The following EPHA10 variants were observed in gnomAD, a reference collection of about 807,000 sequenced individuals.
EPHA10 encodes the protein EPH receptor A10.
Under a neutral mutation model 109.7 loss-of-function variants are expected in EPHA10, and 120 were observed. The ratio of observed to expected loss-of-function variants is 1.09; its 90% CI spans 0.94 to 1.27. The LOEUF (loss-of-function observed/expected upper bound fraction) is 1.27, where lower values mean the gene tolerates loss of function less well. Ranked by LOEUF, EPHA10 falls within the 50% of genes most tolerant of loss-of-function variation. The pLI, the probability that EPHA10 is intolerant of heterozygous loss-of-function variation, is 0.00. For missense variants in EPHA10, 1,396 were observed against 1,411.1 expected (o/e 0.99, Z 0.17); for synonymous variants, 640 against 618.9 (o/e 1.03, Z -0.51).
chr1:37,727,270 G>A, intron 7 of EPHA10, 60 bp from the exon 8 acceptor site: 1 of 1,392,138 alleles, frequency 7.2e-7, no homozygotes, highest in Non-Finnish European at 9.8e-7. Context: ...GCAAGCCCCA[G>A]GGCAGACTCC....
At chr1:37,758,818 C>T (rs1422552862) in intron 3 of EPHA10, among the ~76,000 whole-genome samples, 2 of 152,216 alleles carry the variant, frequency 1.3e-5, no homozygotes, top group Non-Finnish European at 2.9e-5. Flanking sequence ...TTCTAGCTAC[C>T]TCCACTGGAA....
chr1:37,718,478 AC>A lies in EPHA10; in HGVS notation c.2920del (p.Val974Ter), dbSNP rs770563959. On this transcript the variant is annotated frameshift_variant, in exon 17 of 17. Transcript: ENST00000373048. LOFTEE classifies it high-confidence loss of function. Reference sequence around the variant, plus strand: ...TTCAGCCAAAGAGATGCCTAGGCTCACCAGGTCCCTGAAACAAAGGCTGGTC... The same window carrying A: ...TTCAGCCAAAGAGATGCCTAGGCTCACAGGTCCCTGAAACAAAGGCTGGTC... ...AVAEMTAQDLVSLGISLAEHR... is the reference protein window; with the variant it reads ...AVAEMTAQDLXSLGISLAEHR... 93 of 1,613,226 alleles carry A rather than the reference AC, an allele frequency of 5.8e-5. No homozygotes were observed. The highest frequency in any genetic ancestry group is 7.1e-5 in the Non-Finnish European group (84 of 1,179,954).
intron 4 of EPHA10, 144 bp from the exon 5 acceptor site, chr1:37,753,370 A>G (rs1308729371): frequency 2.1e-6 from 1 of 466,420 alleles, no homozygotes; most frequent in Non-Finnish European, 3.4e-6. Context: ...GGGAGGAGGG[A>G]ACCAGGGCGT....
chr1:37,720,796 T>A lies in EPHA10; in HGVS notation c.2195A>T (p.Asp732Val). 6.2e-7 allele frequency: 1 copy of A among 1,614,024 alleles called. No individual in the cohort carries two copies. The highest frequency in any genetic ancestry group is 1.1e-5 in the South Asian group (1 of 91,070). Residue 732 changes from aspartate to valine, a missense_variant, in exon 12 of 17, where the codon GAC becomes GTC. Asp to Val is a radical substitution (Grantham distance 152). Coordinates refer to ENST00000373048, the MANE Select transcript of EPHA10 (RefSeq NM_001099439.2). ...AGGGCCACTCACCCTGAGGAAGCCG[T>A]CCAGGGCCCCATGGCTCATGTACTC... ...VTEYMSHGAL[D>V]GFLRRHEGQL...
intron 3 of EPHA10, chr1:37,756,553 C>T (rs571493673): frequency 6.6e-6 from 1 of 152,492 alleles, no homozygotes; most frequent in African/African-American, 2.4e-5. Context: ...GATAATCTAG[C>T]TCAGCTCCCA....
chr1:37,762,852 A>G lies in EPHA10; in HGVS notation c.107-3T>C. The G allele has an allele frequency of 6.4e-7, 1 of 1,551,558 alleles. No individual in the cohort carries two copies. ...GGCTTTGGAATCCAGGAGGATAACT[A>G]AGGAGAGGGGAAGACAGAAATATCA... On this transcript the variant is annotated splice_region_variant and splice_polypyrimidine_tract_variant and intron_variant, in intron 1 of 16. Transcript: ENST00000373048.
In EPHA10 at chr1:37,718,722, T is replaced by C. The variant is rs1053947920; in HGVS notation, c.2851A>G (p.Lys951Glu). The change falls in exon 16 of 17, where the codon AAG (lysine) becomes GAG (glutamate). Residue 951 changes from lysine (K) to glutamate (E), a missense_variant. Coordinates refer to ENST00000373048, the MANE Select transcript of EPHA10 (RefSeq NM_001099439.2). ...WLEALDLCRY[K>E]DSFAAAGYGS... The stretch of plus-strand genomic sequence containing the variant: ...TAGCCAGCAGCCGCGAAGCTGTCCT[T>C]GTAGCGGCACAGGTCCAGGGCCTCC... 3.7e-6 allele frequency: 6 copies of C among 1,613,246 alleles called. No homozygotes were observed. Among genetic ancestry groups the C allele is most frequent in the Non-Finnish European group, 5.1e-6 (6 of 1,180,002 alleles).
At chr1:37,744,730 C>T (rs866901417) in intron 5 of EPHA10, among the ~76,000 whole-genome samples, 6 of 150,196 alleles carry the variant, frequency 4.0e-5, no homozygotes, top group Non-Finnish European at 5.9e-5. Flanking sequence ...AAAGCCAAAC[C>T]ACAGAGTGGG....
At chr1:37,736,341 G>GT (rs1646070071) in intron 5 of EPHA10, among the ~76,000 whole-genome samples, 1 of 152,148 alleles carries the variant, frequency 6.6e-6, no homozygotes, top group South Asian at 2.1e-4. Context: ...GCCAGGCATG[G>GT]TGGTACATGC....
chr1:37,742,952 T>C (rs530635473), intron 5 of EPHA10, among the ~76,000 whole-genome samples: 1 of 152,142 alleles, frequency 6.6e-6, no homozygotes, highest in South Asian at 2.1e-4. Flanking sequence ...CCTATGATCA[T>C]GCCACTGCAC....
chr1:37,743,189 A>C (rs567755548), intron 5 of EPHA10, among the ~76,000 whole-genome samples: 1 of 152,264 alleles, frequency 6.6e-6, no homozygotes, highest in Non-Finnish European at 1.5e-5. Context: ...GTATATGAAA[A>C]AATATTTCAG....
At chr1:37,728,716 G>A (rs1040434984) in intron 7 of EPHA10, among the ~76,000 whole-genome samples, 11 of 152,078 alleles carry the variant, frequency 7.2e-5, no homozygotes, top group South Asian at 2.1e-4. Context: ...GCAGTCTTTC[G>A]GATGTCACAG....
rs1321189608 is a variant in EPHA10 at position 37,764,236 on chromosome 1, G to T, written c.106+725C>A. ...GCGCAACTGACAGCACATCGGAATC[G>T]CGAACTGGAAGGCATCAGCCATCCA... is the stretch of plus-strand genomic sequence containing the variant. On this transcript the variant is annotated intron_variant, in intron 1 of 16. Coordinates refer to ENST00000373048, the MANE Select transcript of EPHA10 (RefSeq NM_001099439.2). This position sits in a 1 kb window ranked among gnomAD's most constrained non-coding sequence, Gnocchi z 5.8. Among the ~76,000 whole-genome samples, 1 of 151,822 alleles carries T rather than the reference G, an allele frequency of 6.6e-6. No homozygotes were observed. Among genetic ancestry groups the T allele is most frequent in the African/African-American group, 2.4e-5 (1 of 41,334 alleles).
chr1:37,726,441 C>G (rs1645892598), intron 8 of EPHA10, among the ~76,000 whole-genome samples: 1 of 152,218 alleles, frequency 6.6e-6, no homozygotes, highest in East Asian at 1.9e-4. Flanking sequence ...ATGTGGCTCC[C>G]CAGCCCGCCC....
At position 37,720,517 on chromosome 1, in the gene EPHA10, C is replaced by T. The variant is rs6671088; in HGVS notation, c.2246G>A (p.Gly749Glu). 0.16 allele frequency: 258,057 copies of T among 1,612,216 alleles called. 21,746 individuals carry two copies. Among genetic ancestry groups the T allele is most frequent in the African/African-American group, 0.19 (13,904 of 74,936 alleles). ...GGCTGATGCCAGCCCAGGCAGCAAC[C>T]CCATCAGTTGCCCAGCCACCAGCTG... The part of the protein sequence containing the change: ...EGQLVAGQLM[G>E]LLPGLASAMK... The change falls in exon 13 of 17, where the codon GGG (glycine) becomes GAG (glutamate). Residue 749 changes from glycine (G) to glutamate (E), a missense_variant. Transcript: ENST00000373048.
chr1:37,717,020 T>TGA lies in EPHA10; in HGVS notation c.*1351_*1352insTC. ...TCATCTTTACCTCTTGTCTCCTCTT[T>TGA]CCCGCCCCATCCCACCCCACCAACA... is the stretch of plus-strand genomic sequence containing the variant. On this transcript the variant is annotated 3_prime_UTR_variant, in exon 17 of 17. Coordinates refer to ENST00000373048, the MANE Select transcript of EPHA10 (RefSeq NM_001099439.2). 4.6e-6 allele frequency: 1 copy of TGA among 218,134 alleles called. No homozygotes were observed. Among genetic ancestry groups the TGA allele is most frequent in the Non-Finnish European group, 9.2e-6 (1 of 109,090 alleles). The allele number at this position is 218,134 out of a possible 1,614,324, so 13.5% of individuals were successfully genotyped here.
At chr1:37,734,799 T>G (rs1646042097) in intron 6 of EPHA10, 1 of 349,074 alleles carries the variant, frequency 2.9e-6, no homozygotes, top group Non-Finnish European at 5.6e-6. Flanking sequence ...TTATAATAAC[T>G]CATACATTTA....
downstream of EPHA10, chr1:37,714,828 A>C (rs907739308): frequency 6.6e-6 from 1 of 152,272 alleles, no homozygotes; most frequent in African/African-American, 2.4e-5. Flanking sequence ...TCTCAGCAGG[A>C]AACAACCTTG....
chr1:37,718,935 G>C, intron 15 of EPHA10, 119 bp from the exon 16 acceptor site: 2 of 1,343,264 alleles, frequency 1.5e-6, no homozygotes, highest in South Asian at 3.0e-5. Context: ...CCGGGCCCCA[G>C]GGCTGGATCT....
Sources: gnomAD v4.1 joint callset for allele counts (sites outside exome capture counted in the v4.1 genomes callset) on GRCh38, gnomAD v4.1.1 for gene constraint, Gnocchi (gnomAD v3.1) non-coding constraint, MANE v1.5 for transcripts, NCBI Gene and HGNC (gene_info 2026-07-23, HGNC 2026-07-21) for gene names.